The following FBXL4 variants were observed in gnomAD, a reference collection of about 807,000 sequenced individuals.
FBXL4 encodes the protein F-box/LRR-repeat protein 4.
Under a neutral mutation model 58.9 loss-of-function variants are expected in FBXL4, and 40 were observed. That is an observed-to-expected ratio of 0.68 (90% confidence interval 0.53 to 0.88). The LOEUF (loss-of-function observed/expected upper bound fraction) is 0.88, where lower values mean the gene tolerates loss of function less well. FBXL4 is among the 40% of genes least tolerant of loss of function. FBXL4 has a pLI of 0.00. For synonymous variants in FBXL4, 263 were observed against 265.5 expected (o/e 0.99, Z 0.09); for missense variants, 676 against 734.4 (o/e 0.92, Z 0.92).
At chr6:98,875,280 T>A in intron 9 of FBXL4, 135 bp downstream of exon 9, 1 of 759,084 alleles carries the variant, frequency 1.3e-6, no homozygotes, top group Non-Finnish European at 2.3e-6. Flanking sequence ...GCATTTCCTA[T>A]CAAACCAAGC....
chr6:98,932,533 T>C (rs780486653), intron 2 of FBXL4, among the ~76,000 whole-genome samples: 8 of 152,174 alleles, frequency 5.3e-5, no homozygotes, highest in Non-Finnish European at 1.0e-4. Flanking sequence ...GGAGAACATA[T>C]GTTTCCTACT....
chr6:98,901,709 A>C (rs1771619025), intron 6 of FBXL4, among the ~76,000 whole-genome samples: 1 of 152,190 alleles, frequency 6.6e-6, no homozygotes, highest in Non-Finnish European at 1.5e-5. Flanking sequence ...GGGCAGAGAC[A>C]GTAGCAGACT....
In FBXL4 at chr6:98,917,440, TTTG is replaced by T; in HGVS notation, c.789_791del (p.Asn263del). 1 of 1,613,974 alleles carries T rather than the reference TTTG, an allele frequency of 6.2e-7. No individual in the cohort carries two copies. The highest frequency in any genetic ancestry group is 8.5e-7 in the Non-Finnish European group (1 of 1,179,920). On this transcript the variant is annotated inframe_deletion, in exon 5 of 10. Transcript: ENST00000369244. ...CCCCGAGGACAGCACTGCTAAACTT[TTTG>T]TTAAGACTGTCCATTCCACAACCAT...
At chr6:98,913,164 C>G (rs1772170649) in intron 5 of FBXL4, among the ~76,000 whole-genome samples, 1 of 152,166 alleles carries the variant, frequency 6.6e-6, no homozygotes, top group South Asian at 2.1e-4. Context: ...CAGGAGCACC[C>G]AGATTCATAA....
intron 5 of FBXL4, 24 bp downstream of exon 5, chr6:98,917,350 T>G (rs1303095384): frequency 2.0e-6 from 3 of 1,506,868 alleles, no homozygotes; most frequent in Non-Finnish European, 2.7e-6. Flanking sequence ...TATCCAATAC[T>G]GCTGCTAAAT....
chr6:98,919,848 T>G (rs532794717), intron 4 of FBXL4, among the ~76,000 whole-genome samples: 5 of 152,270 alleles, frequency 3.3e-5, no homozygotes, highest in Non-Finnish European at 7.4e-5. Flanking sequence ...AGTCTTACTT[T>G]TTTGTCGCCA....
intron 1 of FBXL4, among the ~76,000 whole-genome samples, chr6:98,938,889 C>A (rs1773322317): frequency 6.6e-6 from 1 of 151,634 alleles, no homozygotes. Flanking sequence ...TTAAGACCAG[C>A]CTAAGAAACA....
rs1035517810 is a variant in FBXL4 at position 98,868,792 on chromosome 6, A to G, written c.*5486T>C. The G allele has an allele frequency of 9.8e-5, 15 of 152,310 alleles. No individual in the cohort carries two copies. Among genetic ancestry groups the G allele is most frequent in the African/African-American group, 3.6e-4 (15 of 41,568 alleles). 9.4% of individuals were successfully genotyped at this position (152,310 alleles called of 1,614,324 possible). ...CTTCACTAATTACTTTACCAAATAC[A>G]TAGATTAAAATATCCCTAAATGTCA... On this transcript the variant is annotated 3_prime_UTR_variant, in exon 10 of 10. Coordinates refer to ENST00000369244, the MANE Select transcript of FBXL4 (RefSeq NM_001278716.2).
intron 8 of FBXL4, among the ~76,000 whole-genome samples, chr6:98,878,271 A>C (rs1770725318): frequency 6.6e-6 from 1 of 152,226 alleles, no homozygotes; most frequent in South Asian, 2.1e-4. Flanking sequence ...GTAATATGGA[A>C]AATGTAATAT....
rs1427467365 is a variant in FBXL4 at position 98,871,048 on chromosome 6, C to A, written c.*3230G>T. On this transcript the variant is annotated 3_prime_UTR_variant, in exon 10 of 10. Transcript: ENST00000369244. ...AGTGAACTGAGATTGTGCCACTGCA[C>A]TCCAGCCTGGGCAAAAGAATGAGAC... 2 of 149,814 alleles carry A rather than the reference C, an allele frequency of 1.3e-5. No individual in the cohort carries two copies. Among genetic ancestry groups the A allele is most frequent in the Non-Finnish European group, 3.0e-5 (2 of 67,772 alleles). 9.3% of individuals were successfully genotyped at this position (149,814 alleles called of 1,614,324 possible). A position where few individuals can be genotyped will look rare whatever the true frequency, so the allele number is the denominator to read the frequency against.
intron 6 of FBXL4, among the ~76,000 whole-genome samples, chr6:98,904,708 T>C (rs1258645770): frequency 6.6e-6 from 1 of 152,154 alleles, no homozygotes; most frequent in African/African-American, 2.4e-5. Context: ...TTTAACTTCA[T>C]GAAAATGCTG....
chr6:98,926,737 T>C lies in FBXL4; in HGVS notation c.252A>G (p.Val84=), dbSNP rs756896976. 8.1e-6 allele frequency: 13 copies of C among 1,614,114 alleles called. No individual in the cohort carries two copies. The South Asian group carries it at 9.9e-5, about 12-fold the overall frequency. ...TMWNLAGVPN[V]FPSSGDFTQT... ...GAGTAAAGTCACCAGAACTTGGGAA[T>C]ACATTTGGTACACCAGCCAAATTCC... is the stretch of plus-strand genomic sequence containing the variant. Residue 84 remains valine, a synonymous_variant, in exon 4 of 10, where the codon GTA becomes GTG. Coordinates refer to ENST00000369244, the MANE Select transcript of FBXL4 (RefSeq NM_001278716.2).
rs1299011510 is a variant in FBXL4, at chr6:98,915,028, GACAA to G, written c.858+2342_858+2345del. Among the ~76,000 whole-genome samples, 48 of 152,172 alleles carry G rather than the reference GACAA, an allele frequency of 3.2e-4. No homozygotes were observed. The East Asian group carries it at 8.5e-3, about 27-fold the overall frequency. On this transcript the variant is annotated intron_variant, in intron 5 of 9. Transcript: ENST00000369244. ...CAAGCATTCTTATACACCAATAACA[GACAA>G]ACAGAGAGCCAAATCATGATTGAAC...
intron 7 of FBXL4, chr6:98,896,644 T>A (rs1771419253): frequency 2.3e-6 from 1 of 430,820 alleles, no homozygotes; most frequent in South Asian, 9.9e-5. Flanking sequence ...TATAATTTTT[T>A]TCTACATATT....
chr6:98,928,352 G>C (rs1772872360), intron 2 of FBXL4, among the ~76,000 whole-genome samples: 1 of 151,156 alleles, frequency 6.6e-6, no homozygotes, highest in African/African-American at 2.4e-5. Context: ...TTTCGAGACA[G>C]GGTGTCTCTC....
chr6:98,936,213 T>C (rs1033095540), intron 1 of FBXL4, among the ~76,000 whole-genome samples: 2 of 152,128 alleles, frequency 1.3e-5, no homozygotes, highest in Admixed American at 6.6e-5. Flanking sequence ...AGCATATAAT[T>C]TGATGAGTTT....
At chr6:98,895,149 T>C (rs1771368257) in intron 7 of FBXL4, among the ~76,000 whole-genome samples, 1 of 152,206 alleles carries the variant, frequency 6.6e-6, no homozygotes, top group Admixed American at 6.5e-5. Context: ...CATTACAGTA[T>C]AAAATTGAGA....
intron 6 of FBXL4, among the ~76,000 whole-genome samples, chr6:98,900,677 A>G (rs1771575329): frequency 6.6e-6 from 1 of 152,218 alleles, no homozygotes; most frequent in Admixed American, 6.5e-5. Context: ...ATAAACATTA[A>G]GTATAAGTTA....
At chr6:98,946,876 AAC>A (rs1433443409) in intron 1 of FBXL4, among the ~76,000 whole-genome samples, 1 of 152,230 alleles carries the variant, frequency 6.6e-6, no homozygotes, top group Non-Finnish European at 1.5e-5. Context: ...CTACTCAACC[AAC>A]AGATACAATA....
Sources: allele counts gnomAD v4.1 joint callset (sites outside exome capture counted in the v4.1 genomes callset), GRCh38; gene constraint gnomAD v4.1.1; transcripts MANE v1.5; gene names NCBI Gene and HGNC (gene_info 2026-07-23, HGNC 2026-07-21).